The following RPP30 variants were observed in gnomAD, a reference collection of about 807,000 sequenced individuals.
RPP30 encodes ribonuclease P/MRP subunit p30, also known as ribonuclease P protein subunit p30.
RPP30 carries 36 observed loss-of-function variants against 38.6 expected under a neutral mutation model. The ratio of observed to expected loss-of-function variants is 0.93; its 90% CI spans 0.71 to 1.23. The LOEUF (loss-of-function observed/expected upper bound fraction) is 1.23, where lower values mean the gene tolerates loss of function less well. Among genes scored for constraint, RPP30 ranks in the 50% most tolerant of loss-of-function variants. The probability of loss-of-function intolerance (pLI) is 0.00; values close to 1 mark genes in which losing one functional copy is unlikely to be tolerated. For synonymous variants in RPP30, 126 were observed against 112.7 expected (o/e 1.12, Z -0.75); for missense variants, 321 against 321.7 (o/e 1.00, Z 0.02).
chr10:90,896,779 A>G (rs912886619), intron 10 of RPP30, among the ~76,000 whole-genome samples: 1 of 152,220 alleles, frequency 6.6e-6, no homozygotes, highest in Non-Finnish European at 1.5e-5. Flanking sequence ...TATTAGGAAA[A>G]CAAAACCAGC....
intron 4 of RPP30, 108 bp downstream of exon 4, chr10:90,876,206 G>A (rs1589493666): frequency 1.9e-5 from 13 of 670,328 alleles, no homozygotes; most frequent in Admixed American, 7.3e-5. Context: ...CCTCGCCCCC[G>A]CCAAACCATG....
chr10:90,891,059 G>C (rs1377566175), intron 6 of RPP30, among the ~76,000 whole-genome samples: 2 of 152,198 alleles, frequency 1.3e-5, no homozygotes, highest in Non-Finnish European at 2.9e-5. Flanking sequence ...CCTATGCGGA[G>C]AGTGGGTAAT....
chr10:90,875,408 T>A, intron 2 of RPP30, 150 bp from the exon 3 acceptor site: 1 of 613,412 alleles, frequency 1.6e-6, no homozygotes, highest in Non-Finnish European at 2.8e-6. Flanking sequence ...TTAAAAATAA[T>A]TTTTAAAAGT....
intron 8 of RPP30, 106 bp from the exon 9 acceptor site, chr10:90,895,765 AAATTTATGT>A: frequency 1.3e-6 from 1 of 777,220 alleles, no homozygotes; most frequent in Non-Finnish European, 2.0e-6. Flanking sequence ...ATAAGGACTT[AAATTTATGT>A]AATTTTTTTA....
chr10:90,876,754 T>C (rs1846857339), intron 4 of RPP30, among the ~76,000 whole-genome samples: 2 of 152,144 alleles, frequency 1.3e-5, no homozygotes, highest in African/African-American at 4.8e-5. Context: ...CCAAGAGCAG[T>C]TGGAAGCCCT....
At chr10:90,903,130 ATCAGTAAAAAC>A, downstream of RPP30, 1 of 853,136 alleles carries the variant, frequency 1.2e-6, no homozygotes. Flanking sequence ...TTTGGGGGTG[ATCAGTAAAAAC>A]TCTGCACTTG....
At chr10:90,892,645 T>C (rs984489979) in intron 6 of RPP30, among the ~76,000 whole-genome samples, 1 of 152,228 alleles carries the variant, frequency 6.6e-6, no homozygotes, top group Non-Finnish European at 1.5e-5. Flanking sequence ...TTCATCATCC[T>C]GTTGCCTTGT....
In RPP30 at chr10:90,876,085, A is replaced by ATG. The variant is rs1846848348; in HGVS notation, c.257_258insTG (p.Cys87AlafsTer5). 6.4e-7 allele frequency: 1 copy of ATG among 1,571,270 alleles called. No homozygotes were observed. The highest frequency in any genetic ancestry group is 8.8e-7 in the Non-Finnish European group (1 of 1,141,462). ...ACAATTATTGTCTCGGATCCATCTC[A>ATG]CTGCAATGTTTTGGTAAGTTAATTA... On this transcript the variant is annotated frameshift_variant, in exon 4 of 11. Transcript: ENST00000371703. LOFTEE classifies it high-confidence loss of function.
Position 90,892,334 on chromosome 10 carries a change from A to G in RPP30, c.433-2441A>G, listed in dbSNP as rs561163004. ...ATCTAAAAATTTAAAATAAGATGCT[A>G]TGAAAGAAATATTCACAACCTTCAA... On this transcript the variant is annotated intron_variant, in intron 6 of 10. Transcript: ENST00000371703. 3.3e-5 allele frequency among the ~76,000 whole-genome samples: 5 copies of G among 152,350 alleles called. No homozygotes were observed. The South Asian group carries it at 1.0e-3, about 32-fold the overall frequency.
intron 6 of RPP30, among the ~76,000 whole-genome samples, chr10:90,886,627 T>G (rs1827954137): frequency 1.3e-5 from 2 of 152,182 alleles, no homozygotes; most frequent in Admixed American, 6.5e-5. Flanking sequence ...ACTATTTGCT[T>G]TGCCAGTCAG....
chr10:90,883,289 C>A (rs1221322570), intron 5 of RPP30, among the ~76,000 whole-genome samples: 1,257 of 118,166 alleles, frequency 0.011, no homozygotes, highest in South Asian at 0.012. Context: ...AGTCTCTGGC[C>A]AAAAAAAAAA....
chr10:90,896,136 T>G (rs1847136471), intron 9 of RPP30, among the ~76,000 whole-genome samples, 177 bp from the exon 10 acceptor site: 1 of 152,236 alleles, frequency 6.6e-6, no homozygotes. Context: ...CTTCATATGA[T>G]AAAAGCTTAG....
chr10:90,880,557 A>G (rs996397785), intron 5 of RPP30, among the ~76,000 whole-genome samples: 7 of 152,014 alleles, frequency 4.6e-5, no homozygotes, highest in African/African-American at 1.4e-4. Context: ...GTGAAACCCC[A>G]TCCCTACTAA....
intron 6 of RPP30, among the ~76,000 whole-genome samples, chr10:90,887,380 G>A (rs1847016222): frequency 1.3e-5 from 2 of 151,542 alleles, no homozygotes; most frequent in Admixed American, 1.3e-4. Flanking sequence ...AGCTCTTGTT[G>A]GGTAAATTTT....
chr10:90,872,251 G>A, intron 1 of RPP30, 183 bp downstream of exon 1: 2 of 612,832 alleles, frequency 3.3e-6, no homozygotes, highest in Admixed American at 2.9e-5. Context: ...CGAAGGTTCT[G>A]GGGGTTGTTA....
chr10:90,894,943 G>T (rs1321988027), intron 7 of RPP30, 52 bp downstream of exon 7: 2 of 1,167,224 alleles, frequency 1.7e-6, no homozygotes, highest in African/African-American at 3.0e-5. Context: ...TTTATTATTA[G>T]TAGTACACTG....
At chr10:90,895,048 G>A in intron 7 of RPP30, 157 bp downstream of exon 7, 1 of 717,414 alleles carries the variant, frequency 1.4e-6, no homozygotes, top group Non-Finnish European at 2.6e-6. Flanking sequence ...AATTTTAAGG[G>A]AAAGAAAAAT....
rs755565181 is a variant in RPP30 at position 90,871,974 on chromosome 10, A to T, written c.-13A>T. Reference sequence around the variant, plus strand: ...CGCAGACTGGCGCGCGCGGACGGTCATGGGACTTCAGCATGGCGGTGTTTG... The same window carrying T: ...CGCAGACTGGCGCGCGCGGACGGTCTTGGGACTTCAGCATGGCGGTGTTTG... On this transcript the variant is annotated 5_prime_UTR_variant, in exon 1 of 11. An upstream start codon of the reference 5' UTR is lost. Transcript: ENST00000371703. 1.2e-6 allele frequency: 2 copies of T among 1,613,436 alleles called. No homozygotes were observed. Among genetic ancestry groups the T allele is most frequent in the Non-Finnish European group, 1.7e-6 (2 of 1,179,474 alleles).
chr10:90,888,810 A>G (rs1847036169), intron 6 of RPP30, among the ~76,000 whole-genome samples: 1 of 152,218 alleles, frequency 6.6e-6, no homozygotes, highest in African/African-American at 2.4e-5. Context: ...AATTCTGAAA[A>G]GTAAAAAATT....
Sources: allele counts gnomAD v4.1 joint callset (sites outside exome capture counted in the v4.1 genomes callset), GRCh38; gene constraint gnomAD v4.1.1; transcripts MANE v1.5; gene names NCBI Gene and HGNC (gene_info 2026-07-23, HGNC 2026-07-21).